DAAM1: variants seen among roughly 807,000 people sequenced by gnomAD.
DAAM1 encodes the protein disheveled-associated activator of morphogenesis 1.
DAAM1 carries 52 observed loss-of-function variants against 130.0 expected under a neutral mutation model. The ratio of observed to expected loss-of-function variants is 0.40; its 90% confidence interval spans 0.32 to 0.50. The LOEUF is 0.50. Among genes scored for constraint, DAAM1 ranks in the 20% least tolerant of loss-of-function variants. The pLI is 0.61. For synonymous variants in DAAM1, 452 were observed against 444.5 expected, an observed-to-expected ratio of 1.02 and a Z score of -0.21; for missense variants, 1,134 against 1,303.8, an observed-to-expected ratio of 0.87 and a Z score of 2.01.
chr14:59,353,220 C>T (rs555616303), intron 18 of DAAM1, among the ~76,000 whole-genome samples: 164 of 152,266 alleles, frequency 1.1e-3, no homozygotes, highest in Non-Finnish European at 2.1e-3. Flanking sequence ...TGAGCTAAGT[C>T]GATCTGCTAT....
chr14:59,252,818 G>A (rs1881707244), intron 1 of DAAM1, among the ~76,000 whole-genome samples: 1 of 152,198 alleles, frequency 6.6e-6, no homozygotes, highest in Admixed American at 6.5e-5. Context: ...ATGGTATGAG[G>A]AGACAGAGCA....
intron 1 of DAAM1, among the ~76,000 whole-genome samples, chr14:59,228,806 T>A (rs911337699): frequency 6.6e-6 from 1 of 152,162 alleles, no homozygotes; most frequent in Non-Finnish European, 1.5e-5. Flanking sequence ...CCCCCAAGTG[T>A]TGTAGATCAA....
intron 2 of DAAM1, among the ~76,000 whole-genome samples, chr14:59,282,626 G>T (rs1229397521): frequency 1.3e-5 from 2 of 152,118 alleles, no homozygotes; most frequent in Non-Finnish European, 2.9e-5. Flanking sequence ...AAGAACATGG[G>T]CTGTGTAACC....
chr14:59,269,395 T>A (rs1157612652), intron 2 of DAAM1, among the ~76,000 whole-genome samples: 1 of 152,222 alleles, frequency 6.6e-6, no homozygotes, highest in Non-Finnish European at 1.5e-5. Context: ...ACATTGTGTT[T>A]CTTGGTGCCA....
intron 2 of DAAM1, among the ~76,000 whole-genome samples, chr14:59,277,792 A>G (rs1883035589): frequency 6.6e-6 from 1 of 152,166 alleles, no homozygotes; most frequent in Non-Finnish European, 1.5e-5. Flanking sequence ...ATACTCAACT[A>G]GGGTGCTTCC....
Position 59,199,474 on chromosome 14 carries a change from G to A in DAAM1, c.-38+10706G>A, listed in dbSNP as rs936796211. The stretch of plus-strand genomic sequence containing the variant: ...GTAGCCAGCTGTCCATGTTTTGCTT[G>A]GCCAGCACAGTATTATTTTTAAAAA... On this transcript the variant is annotated intron_variant, in intron 1 of 24. Coordinates refer to ENST00000360909, the MANE Select transcript of DAAM1 (RefSeq NM_001270520.2). Among the ~76,000 whole-genome samples, 46 of 152,038 alleles carry A rather than the reference G, an allele frequency of 3.0e-4. 1 individual carries two copies.
intron 2 of DAAM1, chr14:59,263,925 GGCAGTACT>G: frequency 2.0e-6 from 1 of 502,666 alleles, no homozygotes; most frequent in South Asian, 2.1e-5. Flanking sequence ...TCAAATATGT[GGCAGTACT>G]GCATCTTAAG....
At chr14:59,304,188 G>T (rs1207708202) in intron 3 of DAAM1, among the ~76,000 whole-genome samples, 2 of 152,130 alleles carry the variant, frequency 1.3e-5, no homozygotes, top group Non-Finnish European at 2.9e-5. Context: ...GATTATGAAA[G>T]ACATCAATAT....
chr14:59,248,020 T>G (rs974345613), intron 1 of DAAM1, among the ~76,000 whole-genome samples: 9 of 152,242 alleles, frequency 5.9e-5, no homozygotes, highest in Non-Finnish European at 1.3e-4. Context: ...TTTGCCTGTT[T>G]AACAATATTC....
chr14:59,252,150 C>T (rs1881674083), intron 1 of DAAM1, among the ~76,000 whole-genome samples: 1 of 152,160 alleles, frequency 6.6e-6, no homozygotes, highest in African/African-American at 2.4e-5. Context: ...TCAGAATGAT[C>T]TTTCTGAGGA....
chr14:59,351,797 T>C (rs184151903), intron 17 of DAAM1, among the ~76,000 whole-genome samples: 3 of 151,864 alleles, frequency 2.0e-5, no homozygotes, highest in Admixed American at 1.3e-4. Context: ...GAAAACAGCA[T>C]GAGTCCACAG....
At chr14:59,188,948 G>A (rs974376926) in intron 1 of DAAM1, among the ~76,000 whole-genome samples, 180 bp downstream of exon 1, 3 of 152,226 alleles carry the variant, frequency 2.0e-5, no homozygotes, top group African/African-American at 4.8e-5. Flanking sequence ...GGTTGGGTCT[G>A]GGTGGGAACG....
chr14:59,258,218 G>A (rs979932814), intron 1 of DAAM1, among the ~76,000 whole-genome samples: 1 of 152,178 alleles, frequency 6.6e-6, no homozygotes, highest in African/African-American at 2.4e-5. Context: ...TGGATATGAT[G>A]GGCTGGGGCA....
chr14:59,312,768 TAA>T (rs1054306959), intron 3 of DAAM1, among the ~76,000 whole-genome samples: 1 of 152,210 alleles, frequency 6.6e-6, no homozygotes, highest in African/African-American at 2.4e-5. Context: ...CTTTATCTTT[TAA>T]AAGAGTTGGA....
At chr14:59,322,525 G>A (rs1885051482) in intron 5 of DAAM1, among the ~76,000 whole-genome samples, 2 of 151,846 alleles carry the variant, frequency 1.3e-5, no homozygotes, top group African/African-American at 4.8e-5. Context: ...GGATTGGGGT[G>A]GGGGCATGGG....
intron 2 of DAAM1, among the ~76,000 whole-genome samples, chr14:59,272,683 GA>G (rs1328764082): frequency 6.6e-6 from 1 of 151,874 alleles, no homozygotes; most frequent in African/African-American, 2.4e-5. Flanking sequence ...GAGAGGGAGG[GA>G]GGGGGAGAGA....
chr14:59,221,686 C>T (rs940066777), intron 1 of DAAM1, among the ~76,000 whole-genome samples: 2 of 152,194 alleles, frequency 1.3e-5, no homozygotes, highest in Admixed American at 1.3e-4. Flanking sequence ...AGTCCAGTTT[C>T]TTCTTGGTAA....
intron 3 of DAAM1, among the ~76,000 whole-genome samples, chr14:59,300,534 G>T (rs1884129327): frequency 6.6e-6 from 1 of 152,090 alleles, no homozygotes; most frequent in South Asian, 2.1e-4. Flanking sequence ...GAGGTAAACT[G>T]TTGCTTTCTG....
intron 17 of DAAM1, among the ~76,000 whole-genome samples, chr14:59,351,682 C>T (rs1008955508): frequency 4.6e-5 from 7 of 151,966 alleles, no homozygotes; most frequent in Non-Finnish European, 1.0e-4. Context: ...ATTTGAAAAC[C>T]TACTAAATGG....
Sources: gnomAD v4.1 joint callset for allele counts (sites outside exome capture counted in the v4.1 genomes callset) on GRCh38, gnomAD v4.1.1 for gene constraint, MANE v1.5 for transcripts, NCBI Gene and HGNC (gene_info 2026-07-23, HGNC 2026-07-21) for gene names.